GRXCR2: variants seen among roughly 807,000 people sequenced by gnomAD.
GRXCR2 encodes glutaredoxin domain-containing cysteine-rich protein 2.
A neutral mutation model predicts 24.8 loss-of-function variants in GRXCR2; 23 were observed. The ratio of observed to expected loss-of-function variants is 0.93; its 90% confidence interval spans 0.67 to 1.32. GRXCR2 has a LOEUF of 1.32. Among genes scored for constraint, GRXCR2 ranks in the 40% most tolerant of loss-of-function variants. The pLI, the probability that GRXCR2 is intolerant of heterozygous loss-of-function variation, is 0.00. For synonymous variants in GRXCR2, 130 were observed against 116.1 expected (o/e 1.12, Z -0.77); for missense variants, 315 against 303.4 (o/e 1.04, Z -0.28).
chr5:145,924,219 G>C (rs553623936), intron 2 of GRXCR2, among the ~76,000 whole-genome samples: 2 of 152,270 alleles, frequency 1.3e-5, no homozygotes, highest in South Asian at 4.1e-4. Flanking sequence ...GCTAGATCTA[G>C]CAAGGCAAAT....
chr5:145,889,036 T>C (rs1265167405), intron 2 of GRXCR2, among the ~76,000 whole-genome samples: 3 of 151,850 alleles, frequency 2.0e-5, no homozygotes, highest in African/African-American at 7.3e-5. Flanking sequence ...TAGCCGGGCG[T>C]GGTGGCAGGC....
upstream of GRXCR2, among the ~76,000 whole-genome samples, chr5:145,873,640 T>C (rs1756568022): frequency 6.6e-6 from 1 of 152,102 alleles, no homozygotes; most frequent in African/African-American, 2.4e-5. Context: ...GGGAATGACG[T>C]CCTAGATACA....
At chr5:145,910,427 A>G (rs1252244507) in intron 2 of GRXCR2, among the ~76,000 whole-genome samples, 1 of 152,166 alleles carries the variant, frequency 6.6e-6, no homozygotes, top group Non-Finnish European at 1.5e-5. Flanking sequence ...CCTTCTTCCC[A>G]GTAATTTCCC....
intron 2 of GRXCR2, among the ~76,000 whole-genome samples, chr5:145,896,708 T>C (rs1013655894): frequency 1.4e-4 from 22 of 152,282 alleles, no homozygotes; most frequent in Admixed American, 7.2e-4. Context: ...AGTTCAACCC[T>C]TGTGGAAGTC....
intron 1 of GRXCR2, among the ~76,000 whole-genome samples, chr5:145,870,658 G>A (rs1581332910): frequency 1.3e-5 from 2 of 152,110 alleles, no homozygotes; most frequent in Non-Finnish European, 2.9e-5. Context: ...ATTTGGATTC[G>A]TTATTGAAAA....
intron 2 of GRXCR2, among the ~76,000 whole-genome samples, chr5:145,927,385 T>G (rs1436990152): frequency 6.6e-6 from 1 of 152,204 alleles, no homozygotes; most frequent in Non-Finnish European, 1.5e-5. Context: ...TAGCTCTTAT[T>G]ATTTTGAGAT....
intron 1 of GRXCR2, among the ~76,000 whole-genome samples, chr5:145,868,322 G>T (rs1018222809): frequency 6.1e-4 from 93 of 152,264 alleles, no homozygotes; most frequent in African/African-American, 2.2e-3. Flanking sequence ...ATACGCTAAA[G>T]TTAAGCAGTC....
chr5:145,908,451 G>T lies in GRXCR2; in HGVS notation c.-70+27250C>A, dbSNP rs191371652. On this transcript the variant is annotated intron_variant, in intron 2 of 3. Coordinates refer to the GRXCR2 transcript ENST00000639411. ...GATGAGGTGTTGATTCAGAATCCTG[G>T]TGGGTTTCATCAGCTGATGAATACT... Among the ~76,000 whole-genome samples, 20 of 152,274 alleles carry T rather than the reference G, an allele frequency of 1.3e-4. No individual in the cohort carries two copies. The East Asian group carries it at 3.5e-3, about 27-fold the overall frequency.
At chr5:145,905,106 A>G (rs1757072964) in intron 2 of GRXCR2, among the ~76,000 whole-genome samples, 1 of 152,222 alleles carries the variant, frequency 6.6e-6, no homozygotes, top group African/African-American at 2.4e-5. Context: ...ACCAAAAAGC[A>G]TGGTTCTTTG....
chr5:145,874,290 A>G (rs1432125524), upstream of GRXCR2, among the ~76,000 whole-genome samples: 1 of 150,404 alleles, frequency 6.6e-6, no homozygotes, highest in Admixed American at 6.7e-5. Context: ...TGCAACCTCC[A>G]CCTCCTGAGT....
intron 2 of GRXCR2, among the ~76,000 whole-genome samples, chr5:145,921,734 C>T (rs1344696641): frequency 6.6e-6 from 1 of 152,154 alleles, no homozygotes; most frequent in African/African-American, 2.4e-5. Context: ...TTACCAGGAA[C>T]CTTCCAAATC....
chr5:145,926,239 T>C (rs1012124690), intron 2 of GRXCR2, among the ~76,000 whole-genome samples: 7 of 152,168 alleles, frequency 4.6e-5, no homozygotes, highest in Non-Finnish European at 1.0e-4. Context: ...TGAAGTTTAT[T>C]ATTTTTTTAA....
intron 2 of GRXCR2, among the ~76,000 whole-genome samples, chr5:145,891,193 G>A (rs1017623385): frequency 6.6e-6 from 1 of 152,188 alleles, no homozygotes; most frequent in African/African-American, 2.4e-5. Flanking sequence ...CCAGTCTACA[G>A]CTCCCAGCTT....
At chr5:145,867,404 C>A (rs1002127922) in intron 1 of GRXCR2, among the ~76,000 whole-genome samples, 7 of 152,182 alleles carry the variant, frequency 4.6e-5, no homozygotes, top group East Asian at 3.9e-4. Context: ...ATTTCCCCCC[C>A]AAAAAATACG....
At chr5:145,883,619 A>C (rs1293688044) in intron 2 of GRXCR2, among the ~76,000 whole-genome samples, 1 of 152,222 alleles carries the variant, frequency 6.6e-6, no homozygotes, top group Non-Finnish European at 1.5e-5. Context: ...ACAGCCAGGC[A>C]CAGTGGCTCA....
At chr5:145,894,046 T>C (rs1756910980) in intron 2 of GRXCR2, among the ~76,000 whole-genome samples, 1 of 152,052 alleles carries the variant, frequency 6.6e-6, no homozygotes, top group African/African-American at 2.4e-5. Flanking sequence ...GGGTGCATAA[T>C]GAAATGAAGG....
At chr5:145,924,409 T>C (rs1344907761) in intron 2 of GRXCR2, among the ~76,000 whole-genome samples, 1 of 152,202 alleles carries the variant, frequency 6.6e-6, no homozygotes, top group African/African-American at 2.4e-5. Flanking sequence ...ATCTCAATAA[T>C]AATACTAATT....
chr5:145,926,317 T>G (rs1757394431), intron 2 of GRXCR2, among the ~76,000 whole-genome samples: 1 of 152,122 alleles, frequency 6.6e-6, no homozygotes, highest in Non-Finnish European at 1.5e-5. Context: ...CTGTTGCAGA[T>G]GTTTTAGTAA....
chr5:145,889,367 A>G (rs340036), intron 2 of GRXCR2, among the ~76,000 whole-genome samples: 3,124 of 152,230 alleles, frequency 0.021, 105 homozygotes, highest in African/African-American at 0.072. Flanking sequence ...AATCTCACAA[A>G]TCACCACTAA....
Sources: gnomAD v4.1 joint callset for allele counts (sites outside exome capture counted in the v4.1 genomes callset) on GRCh38, gnomAD v4.1.1 for gene constraint, MANE v1.5 for transcripts, NCBI Gene and HGNC (gene_info 2026-07-23, HGNC 2026-07-21) for gene names.